The following FNDC3B variants were observed in gnomAD, a reference collection of about 807,000 sequenced individuals.
FNDC3B encodes the protein fibronectin type III domain-containing protein 3B.
In FNDC3B, 12 loss-of-function variants were observed where a neutral mutation model predicts 151.5. That is an observed-to-expected ratio of 0.08 (90% CI 0.05 to 0.13). FNDC3B has a LOEUF of 0.13. Among genes scored for constraint, FNDC3B ranks in the 10% least tolerant of loss-of-function variants. FNDC3B has a pLI of 1.00. For synonymous variants in FNDC3B, 528 were observed against 549.0 expected (o/e 0.96, Z 0.54); for missense variants, 1,214 against 1,505.3 (o/e 0.81, Z 3.20).
At chr3:172,363,392 C>G (rs970141460) in intron 23 of FNDC3B, among the ~76,000 whole-genome samples, 7 of 152,172 alleles carry the variant, frequency 4.6e-5, no homozygotes, top group African/African-American at 1.7e-4. Context: ...CTGTCAAAAT[C>G]AAATGTAGCC....
chr3:172,363,671 G>C (rs2108344802), intron 23 of FNDC3B, among the ~76,000 whole-genome samples: 1 of 152,296 alleles, frequency 6.6e-6, no homozygotes, highest in South Asian at 2.1e-4. Context: ...TTCCTTTTAT[G>C]CATGATACTA....
At position 172,393,532 on chromosome 3, in the gene FNDC3B, T is replaced by C. The variant is rs138923601; in HGVS notation, c.3304-3632T>C. On this transcript the variant is annotated intron_variant, in intron 25 of 25. Coordinates refer to ENST00000415807, the MANE Select transcript of FNDC3B (RefSeq NM_022763.4). ...AACTGACGTTTCATCCAACAGCAACTGTATACACATCCTTCTCAAGCATAC... is the reference window on the plus strand; with the variant it reads ...AACTGACGTTTCATCCAACAGCAACCGTATACACATCCTTCTCAAGCATAC... 2.6e-3 allele frequency among the ~76,000 whole-genome samples: 401 copies of C among 152,302 alleles called. 5 individuals carry two copies. The highest frequency in any genetic ancestry group is 9.2e-3 in the African/African-American group (384 of 41,566).
chr3:172,381,508 A>G (rs967731461), intron 25 of FNDC3B, among the ~76,000 whole-genome samples: 2 of 151,338 alleles, frequency 1.3e-5, no homozygotes, highest in African/African-American at 4.9e-5. Flanking sequence ...TCTGGGATAC[A>G]TGTGTAGAAT....
chr3:172,371,655 TTCTC>T (rs1288446932), intron 23 of FNDC3B, among the ~76,000 whole-genome samples: 4 of 152,222 alleles, frequency 2.6e-5, no homozygotes, highest in East Asian at 1.9e-4. Flanking sequence ...CCCATCTTTC[TTCTC>T]TCTAAGTAAA....
chr3:172,126,750 G>A (rs923010677), intron 2 of FNDC3B, among the ~76,000 whole-genome samples: 4 of 152,186 alleles, frequency 2.6e-5, no homozygotes, highest in East Asian at 1.9e-4. Context: ...AAACTGAGCC[G>A]GAGAGGGTCC....
At chr3:172,133,267 C>T (rs1237273632) in intron 2 of FNDC3B, among the ~76,000 whole-genome samples, 2 of 152,214 alleles carry the variant, frequency 1.3e-5, no homozygotes, top group Non-Finnish European at 2.9e-5. Flanking sequence ...TCATAAGCAA[C>T]ACAGGAGAAT....
chr3:172,214,458 C>T (rs1300329721), intron 3 of FNDC3B, among the ~76,000 whole-genome samples: 2 of 152,128 alleles, frequency 1.3e-5, no homozygotes, highest in Non-Finnish European at 2.9e-5. Flanking sequence ...TGGTCCCTTC[C>T]AGCCTGACAC....
intron 1 of FNDC3B, among the ~76,000 whole-genome samples, chr3:172,064,179 G>A (rs1398630062): frequency 6.6e-6 from 1 of 152,080 alleles, no homozygotes; most frequent in Non-Finnish European, 1.5e-5. Flanking sequence ...GCCTAAGGGA[G>A]CCTGATTGCC....
intron 25 of FNDC3B, among the ~76,000 whole-genome samples, chr3:172,393,380 T>C (rs1736119997): frequency 6.6e-6 from 1 of 152,192 alleles, no homozygotes; most frequent in Admixed American, 6.5e-5. Context: ...CATAAAATAT[T>C]GAAGGATCTG....
intron 17 of FNDC3B, 32 bp from the exon 18 acceptor site, chr3:172,342,979 A>G (rs1171114036): frequency 7.6e-7 from 1 of 1,321,676 alleles, no homozygotes; most frequent in East Asian, 2.3e-5. Flanking sequence ...ACAGTAACTA[A>G]GAGATGGTTC....
At chr3:172,134,829 T>A (rs945515126) in intron 3 of FNDC3B, among the ~76,000 whole-genome samples, 1 of 152,126 alleles carries the variant, frequency 6.6e-6, no homozygotes, top group Non-Finnish European at 1.5e-5. Flanking sequence ...AATCAAAACC[T>A]AGTCTTAGTC....
At chr3:172,338,797 C>T (rs1733125290) in intron 16 of FNDC3B, among the ~76,000 whole-genome samples, 1 of 152,106 alleles carries the variant, frequency 6.6e-6, no homozygotes, top group South Asian at 2.1e-4. Flanking sequence ...AGTGCAGTGG[C>T]GTGATCTCGG....
intron 21 of FNDC3B, among the ~76,000 whole-genome samples, chr3:172,348,204 T>C (rs1173867366): frequency 6.6e-6 from 1 of 152,224 alleles, no homozygotes; most frequent in Non-Finnish European, 1.5e-5. Flanking sequence ...GAAGCAAAGA[T>C]GCCAAAGTCA....
chr3:172,293,912 A>G (rs1490475168), intron 7 of FNDC3B, among the ~76,000 whole-genome samples: 5 of 152,246 alleles, frequency 3.3e-5, no homozygotes, highest in Admixed American at 2.6e-4. Flanking sequence ...GAAGAAGGAA[A>G]AAAAGGGACT....
chr3:172,308,474 A>G (rs1731304676), intron 10 of FNDC3B, among the ~76,000 whole-genome samples: 2 of 152,242 alleles, frequency 1.3e-5, no homozygotes, highest in Admixed American at 6.5e-5. Flanking sequence ...AAAGAAAGAA[A>G]ATGGCTAGGA....
intron 6 of FNDC3B, among the ~76,000 whole-genome samples, chr3:172,269,925 G>A (rs1225558827): frequency 2.0e-5 from 3 of 152,200 alleles, no homozygotes; most frequent in African/African-American, 4.8e-5. Flanking sequence ...GGGATTACAG[G>A]CGTGAGCCAC....
At chr3:172,277,625 T>C (rs910906946) in intron 6 of FNDC3B, among the ~76,000 whole-genome samples, 7 of 152,208 alleles carry the variant, frequency 4.6e-5, no homozygotes, top group African/African-American at 1.7e-4. Flanking sequence ...TTTCTATAGA[T>C]TAAAAATGTT....
At chr3:172,362,184 G>A (rs1365760700) in intron 22 of FNDC3B, among the ~76,000 whole-genome samples, 10 of 152,118 alleles carry the variant, frequency 6.6e-5, no homozygotes, top group South Asian at 4.1e-4. Context: ...GCTGGCAAAA[G>A]GGAGACATGA....
At chr3:172,396,947 A>G (rs1035886552) in intron 25 of FNDC3B, among the ~76,000 whole-genome samples, 2 of 152,162 alleles carry the variant, frequency 1.3e-5, no homozygotes, top group African/African-American at 4.8e-5. Flanking sequence ...TCAAAGTTCG[A>G]GTCACTGGAT....
Sources: gnomAD v4.1 joint callset for allele counts (sites outside exome capture counted in the v4.1 genomes callset) on GRCh38, gnomAD v4.1.1 for gene constraint, MANE v1.5 for transcripts, NCBI Gene and HGNC (gene_info 2026-07-23, HGNC 2026-07-21) for gene names.